Variants in RTN3 observed in about 807,000 individuals in gnomAD.
RTN3 encodes reticulon 3.
Under a neutral mutation model 77.8 loss-of-function variants are expected in RTN3, and 49 were observed. That is an observed-to-expected ratio of 0.63 (90% CI 0.50 to 0.80). RTN3 has a LOEUF of 0.80. Among genes scored for constraint, RTN3 ranks in the 30% least tolerant of loss-of-function variants. RTN3 has a pLI of 0.00. For missense variants in RTN3, 1,236 were observed against 1,211.9 expected, an observed-to-expected ratio of 1.02 and a Z score of -0.29; for synonymous variants, 464 against 446.9, an observed-to-expected ratio of 1.04 and a Z score of -0.48.
chr11:63,689,232 A>G (rs894988645), intron 1 of RTN3, among the ~76,000 whole-genome samples: 1 of 152,192 alleles, frequency 6.6e-6, no homozygotes, highest in South Asian at 2.1e-4. Flanking sequence ...TCATAGTAAA[A>G]CTTTTTAGAC....
intron 1 of RTN3, among the ~76,000 whole-genome samples, chr11:63,702,442 G>A (rs555636305): frequency 1.3e-5 from 2 of 151,502 alleles, no homozygotes; most frequent in African/African-American, 4.8e-5. Flanking sequence ...AGCCTTCGGA[G>A]TAGCTGGGAT....
chr11:63,716,968 C>CAAAA (rs752428943), intron 2 of RTN3, among the ~76,000 whole-genome samples: 4 of 27,194 alleles, frequency 1.5e-4, no homozygotes, highest in Admixed American at 4.3e-4. Context: ...GACTCCGTCT[C>CAAAA]AAAAAAAAAA....
chr11:63,711,343 G>A (rs2011155262), intron 2 of RTN3, among the ~76,000 whole-genome samples: 1 of 151,580 alleles, frequency 6.6e-6, no homozygotes, highest in Non-Finnish European at 1.5e-5. Context: ...TATATGTTAA[G>A]TTCTCTTGTG....
rs984107204 is a variant in RTN3, at chr11:63,753,219, C to T, written c.2947+81C>T. The T allele has an allele frequency of 3.3e-5, 44 of 1,341,302 alleles. No homozygotes were observed. In the Admixed American group the frequency reaches 7.7e-4, roughly 24 times the overall value. 83.1% of individuals were successfully genotyped at this position (1,341,302 alleles called of 1,614,324 possible). ...AGTGAAGAGAAAGCCCAGCATGGCT[C>T]TACTCATTCTTCATTGCCCAGTCTT... On this transcript the variant is annotated intron_variant, in intron 6 of 8. Coordinates refer to ENST00000377819, the MANE Select transcript of RTN3 (RefSeq NM_001265589.2).
intron 8 of RTN3, among the ~76,000 whole-genome samples, chr11:63,756,679 G>A (rs2014396948): frequency 6.6e-6 from 1 of 152,152 alleles, no homozygotes; most frequent in Admixed American, 6.6e-5. Context: ...CTGGGCTCAG[G>A]TGATCCTCCC....
At chr11:63,702,692 G>GT (rs111756056) in intron 1 of RTN3, among the ~76,000 whole-genome samples, 318 of 135,664 alleles carry the variant, frequency 2.3e-3, no homozygotes, top group African/African-American at 5.1e-3. Context: ...TTGTTTTTTT[G>GT]TTTTTTTTTT....
At chr11:63,756,264 G>T in intron 8 of RTN3, 94 bp downstream of exon 8, 1 of 793,580 alleles carries the variant, frequency 1.3e-6, no homozygotes, top group South Asian at 1.7e-5. Flanking sequence ...GCCAAGGAAA[G>T]TAATTTTCAT....
intron 3 of RTN3, 65 bp from the exon 4 acceptor site, chr11:63,749,926 C>G: frequency 8.5e-7 from 1 of 1,180,684 alleles, no homozygotes. Flanking sequence ...TGAGGCTCCA[C>G]AGGTATGCAA....
intron 3 of RTN3, chr11:63,746,969 T>A: frequency 2.2e-6 from 1 of 456,112 alleles, no homozygotes; most frequent in South Asian, 1.5e-5. Flanking sequence ...GATCACACTT[T>A]GTGCCTCATC....
intron 1 of RTN3, among the ~76,000 whole-genome samples, chr11:63,699,232 C>T (rs536130198): frequency 3.3e-5 from 5 of 151,618 alleles, no homozygotes; most frequent in South Asian, 2.1e-4. Context: ...ACCTGGGAGG[C>T]GGAGGTTGCA....
chr11:63,753,784 A>G, intron 7 of RTN3, 76 bp downstream of exon 7: 3 of 1,304,356 alleles, frequency 2.3e-6, no homozygotes, highest in Non-Finnish European at 3.3e-6. Context: ...GAGACATTGA[A>G]TGTTCAGAGC....
intron 1 of RTN3, among the ~76,000 whole-genome samples, chr11:63,693,250 G>A (rs538334187): frequency 8.4e-4 from 128 of 152,090 alleles, no homozygotes; most frequent in Non-Finnish European, 1.6e-3. Context: ...TTGGGAGGCC[G>A]AGGCGAGCGG....
intron 1 of RTN3, among the ~76,000 whole-genome samples, chr11:63,700,859 AG>A (rs1202256717): frequency 6.6e-6 from 1 of 151,964 alleles, no homozygotes. Context: ...TGGGAGGCTG[AG>A]GCGTGCGGAT....
intron 2 of RTN3, among the ~76,000 whole-genome samples, chr11:63,711,517 G>A (rs940798692): frequency 2.0e-5 from 3 of 151,240 alleles, no homozygotes; most frequent in Non-Finnish European, 4.4e-5. Flanking sequence ...AGCTTCCTGA[G>A]TAGCTGGAAC....
intron 1 of RTN3, among the ~76,000 whole-genome samples, chr11:63,682,665 AC>A (rs1207923617): frequency 6.6e-6 from 1 of 152,114 alleles, no homozygotes; most frequent in Admixed American, 6.6e-5. Context: ...GAGGGGGAGA[AC>A]ATTCAGACAA....
intron 8 of RTN3, among the ~76,000 whole-genome samples, chr11:63,757,543 A>G (rs2014441773): frequency 6.6e-6 from 1 of 151,638 alleles, no homozygotes; most frequent in Non-Finnish European, 1.5e-5. Flanking sequence ...TTTTTTATAG[A>G]GATGGGGGTC....
At chr11:63,710,312 G>A (rs998175638) in intron 2 of RTN3, among the ~76,000 whole-genome samples, 1 of 151,922 alleles carries the variant, frequency 6.6e-6, no homozygotes, top group African/African-American at 2.4e-5. Flanking sequence ...ACTACAGGCG[G>A]GCACCACTGT....
At chr11:63,735,550 T>TTCTCCCTCTCTCTCTCTCTCTCTCTC in intron 3 of RTN3, among the ~76,000 whole-genome samples, 1 of 42,734 alleles carries the variant, frequency 2.3e-5, no homozygotes, top group African/African-American at 9.0e-5. Context: ...ATTCTAACAT[T>TTCTCCCTCTCTCTCTCTCTCTCTCTC]TCTCTCTCTC....
In RTN3 at chr11:63,720,028, C is replaced by G. The variant is rs143280633; in HGVS notation, c.1526C>G (p.Thr509Arg). ...ESDDTVIEDI[T>R]ADTSFENNKI... ...GATGACACAGTAATAGAGGACATCA[C>G]AGCAGATACATCATTTGAAAATAAC... The change falls in exon 3 of 9, where the codon ACA becomes AGA. Residue 509 changes from threonine (T) to arginine (R), a missense_variant. Coordinates refer to ENST00000377819, the MANE Select transcript of RTN3 (RefSeq NM_001265589.2). 3.1e-6 allele frequency: 5 copies of G among 1,614,110 alleles called. No individual in the cohort carries two copies. The African/African-American group carries it at 4.0e-5, about 13-fold the overall frequency.
Sources: allele counts gnomAD v4.1 joint callset (sites outside exome capture counted in the v4.1 genomes callset), GRCh38; gene constraint gnomAD v4.1.1; transcripts MANE v1.5; gene names NCBI Gene and HGNC (gene_info 2026-07-23, HGNC 2026-07-21).